The following NCOR1 variants were observed in gnomAD, a reference collection of about 807,000 sequenced individuals.
The protein encoded by NCOR1 is protein phosphatase 1, regulatory subunit 109.
A neutral mutation model predicts 288.1 loss-of-function variants in NCOR1; 63 were observed. That is an observed-to-expected ratio of 0.22 (90% CI 0.18 to 0.27). The LOEUF is 0.27. Ranked by LOEUF, NCOR1 falls within the 10% of genes least tolerant of loss-of-function variation. The probability of loss-of-function intolerance (pLI) is 1.00; values close to 1 mark genes in which losing one functional copy is unlikely to be tolerated. For synonymous variants in NCOR1, 1,007 were observed against 1,065.9 expected (o/e 0.94, Z 1.08); for missense variants, 2,397 against 3,019.2 (o/e 0.79, Z 4.83).
At chr17:16,102,426 G>A (rs180901365) in intron 19 of NCOR1, among the ~76,000 whole-genome samples, 2 of 152,026 alleles carry the variant, frequency 1.3e-5, no homozygotes, top group East Asian at 3.9e-4. Flanking sequence ...GGATTTACAG[G>A]TGTGTGCCAC....
chr17:16,049,712 TG>T (rs1439593618), intron 40 of NCOR1, among the ~76,000 whole-genome samples: 1 of 151,806 alleles, frequency 6.6e-6, no homozygotes, highest in African/African-American at 2.4e-5. Flanking sequence ...CCCGAGCAGC[TG>T]GAATTGGAAT....
rs1239497958 is a variant in NCOR1, at chr17:16,072,216, C to T, written c.3824G>A (p.Arg1275Gln). Reference sequence around the variant, plus strand: ...ATGAGGACTCCCCCTGGGTAATGCTCGGCATATCAGCCCTTCCAAAACAAG... The same window carrying T: ...ATGAGGACTCCCCCTGGGTAATGCTTGGCATATCAGCCCTTCCAAAACAAG... Reference protein sequence around the residue: ...VSAPLEGLICRALPRGSPHSD... With the variant: ...VSAPLEGLICQALPRGSPHSD... Residue 1275 changes from arginine (R) to glutamine (Q), a missense_variant, in exon 29 of 46, where the codon CGA becomes CAA. Around this residue, in one of 11 missense-constraint regions of NCOR1, gnomAD observed 1,872 missense variants for 2,187.8 expected, o/e 0.86. Coordinates refer to ENST00000268712, the MANE Select transcript of NCOR1 (RefSeq NM_006311.4). 5.0e-6 allele frequency: 8 copies of T among 1,610,096 alleles called. No individual in the cohort carries two copies. The highest frequency in any genetic ancestry group is 6.8e-6 in the Non-Finnish European group (8 of 1,177,918).
chr17:16,116,671 T>A (rs2071653680), intron 18 of NCOR1, among the ~76,000 whole-genome samples: 1 of 152,082 alleles, frequency 6.6e-6, no homozygotes, highest in Non-Finnish European at 1.5e-5. Flanking sequence ...CTCGAACAAT[T>A]GCCAAAGTGC....
At chr17:16,193,271 C>T (rs1360228055) in intron 2 of NCOR1, among the ~76,000 whole-genome samples, 2 of 152,046 alleles carry the variant, frequency 1.3e-5, no homozygotes, top group Non-Finnish European at 2.9e-5. Flanking sequence ...ACTCTTGTTG[C>T]CCAGGCTGGA....
chr17:16,135,487 T>C (rs1315528789), intron 14 of NCOR1, among the ~76,000 whole-genome samples: 1 of 152,140 alleles, frequency 6.6e-6, no homozygotes, highest in African/African-American at 2.4e-5. Flanking sequence ...CCGACCCATT[T>C]CACTATTCCA....
Position 16,151,934 on chromosome 17 carries a change from A to G in NCOR1, c.842+12T>C. ...CTTTAATTGAAGAACTCCAAAGATG[A>G]TCAATACTTACGTCTTGATGTTCTC... On this transcript the variant is annotated intron_variant, in intron 8 of 45. Coordinates refer to ENST00000268712, the MANE Select transcript of NCOR1 (RefSeq NM_006311.4). 1 of 1,587,156 alleles carries G rather than the reference A, an allele frequency of 6.3e-7. No individual in the cohort carries two copies. Among genetic ancestry groups the G allele is most frequent in the Non-Finnish European group, 8.6e-7 (1 of 1,163,296 alleles).
At chr17:16,057,392 A>G (rs573258852) in intron 40 of NCOR1, 122 bp downstream of exon 40, 18 of 949,564 alleles carry the variant, frequency 1.9e-5, no homozygotes, top group Non-Finnish European at 2.9e-5. Context: ...GCTCATTTAC[A>G]CTTTCCTGGG....
At position 16,057,930 on chromosome 17, in the gene NCOR1, T is replaced by C; in HGVS notation, c.6145A>G (p.Ile2049Val). The change falls in exon 39 of 46, where the codon ATC becomes GTC. Residue 2049 changes from isoleucine (I) to valine (V), a missense_variant. Transcript: ENST00000268712. ...ACACAGATGTGATCAGCAAGTGTGA[T>C]CAGCCGATGGGTCCTGGGCACTTGC... ...MGQVPRTHRL[I>V]TLADHICQII... 6.2e-7 allele frequency: 1 copy of C among 1,611,032 alleles called. No individual in the cohort carries two copies. Among genetic ancestry groups the C allele is most frequent in the Non-Finnish European group, 8.5e-7 (1 of 1,178,390 alleles).
At chr17:16,146,604 A>T in intron 9 of NCOR1, 56 bp from the exon 10 acceptor site, 1 of 1,399,358 alleles carries the variant, frequency 7.1e-7, no homozygotes, top group Non-Finnish European at 9.6e-7. Flanking sequence ...GATTCTGACA[A>T]ACCTAATACT....
intron 21 of NCOR1, among the ~76,000 whole-genome samples, chr17:16,096,371 T>C (rs2066620401): frequency 1.3e-5 from 2 of 152,090 alleles, no homozygotes; most frequent in African/African-American, 4.8e-5. Flanking sequence ...ATGAGTCAAA[T>C]TTTACAGATT....
At chr17:16,100,601 AT>A (rs1314783576) in intron 20 of NCOR1, among the ~76,000 whole-genome samples, 1 of 152,252 alleles carries the variant, frequency 6.6e-6, no homozygotes, top group Non-Finnish European at 1.5e-5. Context: ...AGATCGTGTC[AT>A]TGCACTCCAG....
chr17:16,078,349 T>C (rs1717018620), intron 26 of NCOR1, among the ~76,000 whole-genome samples: 1 of 152,204 alleles, frequency 6.6e-6, no homozygotes, highest in African/African-American at 2.4e-5. Flanking sequence ...AGTAAGTGTC[T>C]AGAAATCCTT....
chr17:16,034,174 A>C (rs1973411480), intron 45 of NCOR1, among the ~76,000 whole-genome samples: 1 of 152,188 alleles, frequency 6.6e-6, no homozygotes, highest in Non-Finnish European at 1.5e-5. Context: ...GCAAATAGTC[A>C]ATGTTCGCTA....
intron 8 of NCOR1, 119 bp downstream of exon 8, chr17:16,151,827 T>G: frequency 1.0e-6 from 1 of 979,058 alleles, no homozygotes; most frequent in Non-Finnish European, 1.6e-6. Flanking sequence ...GACAGCAAAT[T>G]ACACAAATCT....
intron 19 of NCOR1, among the ~76,000 whole-genome samples, chr17:16,102,988 T>C (rs889257424): frequency 6.6e-6 from 1 of 152,242 alleles, no homozygotes; most frequent in African/African-American, 2.4e-5. Context: ...TAGAATACTA[T>C]TTCACAGATT....
At chr17:16,086,911 C>A (rs1449524004) in intron 22 of NCOR1, among the ~76,000 whole-genome samples, 1 of 152,204 alleles carries the variant, frequency 6.6e-6, no homozygotes, top group African/African-American at 2.4e-5. Flanking sequence ...ATGGGGAGAT[C>A]TCAAGACTTT....
At chr17:16,136,251 T>C (rs1159062707) in intron 14 of NCOR1, among the ~76,000 whole-genome samples, 2 of 152,220 alleles carry the variant, frequency 1.3e-5, no homozygotes, top group African/African-American at 4.8e-5. Context: ...AATGGCACAA[T>C]CATGGCTCAC....
chr17:16,055,295 C>A (rs2059788788), intron 40 of NCOR1, among the ~76,000 whole-genome samples: 1 of 152,234 alleles, frequency 6.6e-6, no homozygotes, highest in South Asian at 2.1e-4. Context: ...CAGTGATTGA[C>A]TGGATAAAGA....
rs1401491315 is a variant in NCOR1 at position 16,046,844 on chromosome 17, T to C, written c.6679+107A>G. On this transcript the variant is annotated intron_variant, in intron 42 of 45. Coordinates refer to ENST00000268712, the MANE Select transcript of NCOR1 (RefSeq NM_006311.4). ...TCTAGGATCAGATGTGTTGGACAGA[T>C]GTCCTGTAAAGAGCCTTCAAACTCA... 4 of 1,284,392 alleles carry C rather than the reference T, an allele frequency of 3.1e-6. No individual in the cohort carries two copies. In the Admixed American group the frequency reaches 8.8e-5, roughly 28 times the overall value. The allele number at this position is 1,284,392 out of a possible 1,614,324, so 79.6% of individuals were successfully genotyped here.
Sources: gnomAD v4.1 joint callset for allele counts (sites outside exome capture counted in the v4.1 genomes callset) on GRCh38, gnomAD v4.1.1 for gene constraint, gnomAD v4.1.1 regional missense constraint, MANE v1.5 for transcripts, NCBI Gene and HGNC (gene_info 2026-07-23, HGNC 2026-07-21) for gene names.